Variants in STYX observed in about 807,000 individuals in gnomAD.
The protein encoded by STYX is serine/threonine/tyrosine interacting protein.
STYX carries 20 observed loss-of-function variants against 42.7 expected under a neutral mutation model. The observed-to-expected ratio is 0.47, with a 90% CI of 0.33 to 0.68. The LOEUF (loss-of-function observed/expected upper bound fraction) is 0.68, where lower values mean the gene tolerates loss of function less well. Among genes scored for constraint, STYX ranks in the 30% least tolerant of loss-of-function variants. The probability of loss-of-function intolerance (pLI) is 0.02; values close to 1 mark genes in which losing one functional copy is unlikely to be tolerated. For missense variants in STYX, 226 were observed against 268.5 expected (o/e 0.84, Z 1.11); for synonymous variants, 78 against 81.9 (o/e 0.95, Z 0.26).
At chr14:52,736,863 CTCTTT>C (rs1188136791) in intron 1 of STYX, among the ~76,000 whole-genome samples, 1 of 152,156 alleles carries the variant, frequency 6.6e-6, no homozygotes, top group African/African-American at 2.4e-5. Flanking sequence ...TGCCCACCTT[CTCTTT>C]TTATTTGAGT....
At chr14:52,730,710 C>G (rs1880663884) in intron 1 of STYX, among the ~76,000 whole-genome samples, 179 bp downstream of exon 1, 1 of 152,210 alleles carries the variant, frequency 6.6e-6, no homozygotes, top group Admixed American at 6.5e-5. Context: ...CTCGTCCTCT[C>G]CAGACCCCGC....
At chr14:52,741,845 A>C (rs1309579968) in intron 1 of STYX, among the ~76,000 whole-genome samples, 1 of 151,990 alleles carries the variant, frequency 6.6e-6, no homozygotes, top group African/African-American at 2.4e-5. Flanking sequence ...AATTTCTTTA[A>C]ATTTTTTATA....
At chr14:52,757,602 A>T in intron 6 of STYX, 141 bp from the exon 7 acceptor site, 1 of 826,856 alleles carries the variant, frequency 1.2e-6, no homozygotes, top group Non-Finnish European at 1.9e-6. Context: ...TTCTCTACAC[A>T]GTTGATAATA....
chr14:52,731,637 A>G (rs1253727408), intron 1 of STYX: 2 of 151,660 alleles, frequency 1.3e-5, no homozygotes, highest in African/African-American at 4.8e-5. Flanking sequence ...GGGTTTCACC[A>G]TTTTGGCCAG....
At chr14:52,764,356 G>A (rs540794953) in intron 9 of STYX, among the ~76,000 whole-genome samples, 2 of 151,986 alleles carry the variant, frequency 1.3e-5, no homozygotes, top group Non-Finnish European at 2.9e-5. Context: ...CTTTCTGTTC[G>A]CTTGCTACCT....
chr14:52,746,448 T>C lies in STYX; in HGVS notation c.113T>C (p.Leu38Ser). 1 of 1,557,786 alleles carries C rather than the reference T, an allele frequency of 6.4e-7. No individual in the cohort carries two copies. The highest frequency in any genetic ancestry group is 8.6e-7 in the Non-Finnish European group (1 of 1,162,416). Reference sequence around the variant, plus strand: ...TAGGAAATTTTACCTGGATTGTTCTTAGGCCCATATTCATCTGCTATGAAA... The same window carrying C: ...TAGGAAATTTTACCTGGATTGTTCTCAGGCCCATATTCATCTGCTATGAAA... The part of the protein sequence containing the change: ...EMQEILPGLF[L>S]GPYSSAMKSK... Residue 38 changes from leucine (L) to serine (S), a missense_variant, in exon 3 of 11, where the codon TTA becomes TCA. Coordinates refer to ENST00000354586, the MANE Select transcript of STYX (RefSeq NM_145251.4).
chr14:52,760,369 A>G (rs886283759), intron 9 of STYX, among the ~76,000 whole-genome samples: 2 of 152,204 alleles, frequency 1.3e-5, no homozygotes, highest in Admixed American at 6.5e-5. Context: ...GATTCTAAGT[A>G]TACTAACTAT....
intron 1 of STYX, among the ~76,000 whole-genome samples, chr14:52,740,187 A>G (rs1301597460): frequency 6.6e-6 from 1 of 152,128 alleles, no homozygotes; most frequent in Non-Finnish European, 1.5e-5. Flanking sequence ...TGAGGCAGAT[A>G]ATTGCTTGAA....
Position 52,772,725 on chromosome 14 carries a change from G to C in STYX, c.*1619G>C, listed in dbSNP as rs1056269607. On this transcript the variant is annotated 3_prime_UTR_variant, in exon 11 of 11. Coordinates refer to ENST00000354586, the MANE Select transcript of STYX (RefSeq NM_145251.4). ...AAAAGCTTTCTTACCCAGCATAGTG[G>C]GAGAGTGGAGATTAATTAAAATTGT... The C allele has an allele frequency of 6.6e-6, 1 of 152,516 alleles. No individual in the cohort carries two copies. The highest frequency in any genetic ancestry group is 1.5e-5 in the Non-Finnish European group (1 of 68,008). The allele number at this position is 152,516 out of a possible 1,614,324, so 9.4% of individuals were successfully genotyped here. A position where few individuals can be genotyped will look rare whatever the true frequency, so the allele number is the denominator to read the frequency against.
chr14:52,739,024 TAATGA>T (rs1406681700), intron 1 of STYX, among the ~76,000 whole-genome samples: 2 of 151,938 alleles, frequency 1.3e-5, no homozygotes, highest in Non-Finnish European at 2.9e-5. Context: ...CCCATGCACA[TAATGA>T]ATCTGTATAC....
At chr14:52,761,243 G>T (rs1213193792) in intron 9 of STYX, among the ~76,000 whole-genome samples, 1 of 151,064 alleles carries the variant, frequency 6.6e-6, no homozygotes, top group Non-Finnish European at 1.5e-5. Context: ...CAGGAGAATC[G>T]CTTGAACCTG....
At chr14:52,767,490 T>C (rs1882352170) in intron 9 of STYX, among the ~76,000 whole-genome samples, 1 of 152,224 alleles carries the variant, frequency 6.6e-6, no homozygotes, top group South Asian at 2.1e-4. Flanking sequence ...TTGTTTTGTT[T>C]TGTTTTGTTT....
chr14:52,731,371 T>C (rs958449422), intron 1 of STYX, among the ~76,000 whole-genome samples: 1 of 152,022 alleles, frequency 6.6e-6, no homozygotes, highest in Non-Finnish European at 1.5e-5. Context: ...AGCCCTATTT[T>C]TAGGAGACCA....
chr14:52,746,274 G>GAA (rs200217897), intron 2 of STYX, 152 bp from the exon 3 acceptor site: 87 of 462,080 alleles, frequency 1.9e-4, no homozygotes, highest in Middle Eastern at 6.3e-4. Flanking sequence ...ATTTTTTAAA[G>GAA]AAAAAAAAAA....
chr14:52,730,524 A>G lies in STYX; in HGVS notation c.50A>G (p.Asp17Gly). 6.2e-7 allele frequency: 1 copy of G among 1,613,400 alleles called. No homozygotes were observed. The highest frequency in any genetic ancestry group is 8.5e-7 in the Non-Finnish European group (1 of 1,179,786). The change falls in exon 1 of 11, where the codon GAC (aspartate) becomes GGC (glycine). Residue 17 changes from aspartate to glycine, a missense_variant. Physicochemically the swap from Asp to Gly is moderately conservative, Grantham distance 94. Transcript: ENST00000354586. ...EFPSLPQCKE[D>G]AEEWTYPMRR... ...CCTTCCCTTCCACAGTGCAAGGAAG[A>G]CGCCGAGGTGAGTCGCTCCCGTGGC...
At chr14:52,744,351 A>G (rs1881313926) in intron 1 of STYX, among the ~76,000 whole-genome samples, 1 of 152,214 alleles carries the variant, frequency 6.6e-6, no homozygotes, top group Non-Finnish European at 1.5e-5. Context: ...GCTCTTTGAT[A>G]AGCATTTGGC....
intron 3 of STYX, among the ~76,000 whole-genome samples, chr14:52,749,145 C>T (rs1881508401): frequency 6.6e-6 from 1 of 152,140 alleles, no homozygotes; most frequent in Non-Finnish European, 1.5e-5. Context: ...TGCTGGCTCG[C>T]AGATCCCTCC....
chr14:52,730,288 C>T lies in STYX; in HGVS notation c.-187C>T. ...GACGCCCGACCCTCCTCTTCCCTGT[C>T]TTCGCCGCCGCCGCTGCTGGAGTCA... On this transcript the variant is annotated 5_prime_UTR_variant, in exon 1 of 11. Transcript: ENST00000354586. The T allele has an allele frequency of 1.6e-6, 1 of 615,108 alleles. No homozygotes were observed. The highest frequency in any genetic ancestry group is 2.9e-6 in the Non-Finnish European group (1 of 346,020). The allele number at this position is 615,108 out of a possible 1,614,324, so 38.1% of individuals were successfully genotyped here.
In STYX at chr14:52,771,151, A is replaced by G; in HGVS notation, c.*45A>G. ...GAGTGTGAATTTCTATTTGGGAAGG[A>G]GAAAATACAAGAGAAAATTATAATG... On this transcript the variant is annotated 3_prime_UTR_variant, in exon 11 of 11. Transcript: ENST00000354586. 1 of 1,506,188 alleles carries G rather than the reference A, an allele frequency of 6.6e-7. No individual in the cohort carries two copies. The highest frequency in any genetic ancestry group is 2.3e-5 in the East Asian group (1 of 43,652). The allele number at this position is 1,506,188 out of a possible 1,614,324, so 93.3% of individuals were successfully genotyped here. A position where few individuals can be genotyped will look rare whatever the true frequency, so the allele number is the denominator to read the frequency against.
Sources: gnomAD v4.1 joint callset for allele counts (sites outside exome capture counted in the v4.1 genomes callset) on GRCh38, gnomAD v4.1.1 for gene constraint, MANE v1.5 for transcripts, NCBI Gene and HGNC (gene_info 2026-07-23, HGNC 2026-07-21) for gene names.